The following SLC6A9 variants were observed in gnomAD, a reference collection of about 807,000 sequenced individuals.
SLC6A9 encodes the protein sodium- and chloride-dependent glycine transporter 1.
Under a neutral mutation model 70.9 loss-of-function variants are expected in SLC6A9, and 31 were observed. The observed-to-expected ratio is 0.44, with a 90% confidence interval of 0.33 to 0.59. SLC6A9 has a LOEUF of 0.59. Ranked by LOEUF, SLC6A9 falls within the 20% of genes least tolerant of loss-of-function variation. The probability of loss-of-function intolerance (pLI) is 0.04; values close to 1 mark genes in which losing one functional copy is unlikely to be tolerated. For missense variants in SLC6A9, 631 were observed against 845.2 expected (o/e 0.75, Z 3.14); for synonymous variants, 310 against 341.3 (o/e 0.91, Z 1.01).
At chr1:44,027,839 G>T (rs1409842954) in intron 1 of SLC6A9, among the ~76,000 whole-genome samples, 1 of 152,198 alleles carries the variant, frequency 6.6e-6, no homozygotes, top group African/African-American at 2.4e-5. Flanking sequence ...GCTGGGCGTG[G>T]TGGTAGGCGC....
In SLC6A9 at chr1:44,000,908, G is replaced by A. The variant is rs200693069; in HGVS notation, c.1436-41C>T. On this transcript the variant is annotated intron_variant, in intron 11 of 13. Transcript: ENST00000372310. ...GTCAGCAGACCCGCAGGACAGAGTG[G>A]GCGGGCCAAGGGCCGGGTCGCGGGA... 130 of 1,594,262 alleles carry A rather than the reference G, an allele frequency of 8.2e-5. No homozygotes were observed. In the African/African-American group the frequency reaches 1.5e-3, roughly 19 times the overall value.
rs2086091942 is a variant in SLC6A9 at position 44,001,266 on chromosome 1, A to C, written c.1233T>G (p.Ile411Met). The C allele has an allele frequency of 3.1e-6, 5 of 1,614,054 alleles. No homozygotes were observed. Residue 411 changes from isoleucine (I) to methionine (M), a missense_variant, in exon 10 of 14, where the codon ATT becomes ATG. Ile to Met is a conservative substitution (Grantham distance 10). Transcript: ENST00000372310. The stretch of plus-strand genomic sequence containing the variant: ...TCCACTCATTCCCCACCTCATCCAC[A>C]ATGGCTGTGACCAGCGTCTCCAGGA... Reference protein sequence around the residue: ...FCLLETLVTAIVDEVGNEWIL... With the variant: ...FCLLETLVTAMVDEVGNEWIL...
rs201870833 is a variant in SLC6A9 at position 44,002,313 on chromosome 1, C to T, written c.962G>A (p.Arg321Gln). The T allele has an allele frequency of 3.7e-5, 60 of 1,609,202 alleles. No homozygotes were observed. The highest frequency in any genetic ancestry group is 4.5e-5 in the Non-Finnish European group (53 of 1,175,672). ...SYNKFHNNCY[R>Q]DSVIISITNC... Reference sequence around the variant, plus strand: ...CCTCAGCCCAGCAGGGAGCACTCACCGGTAACAGTTATTGTGGAACTTGTT... The same window carrying T: ...CCTCAGCCCAGCAGGGAGCACTCACTGGTAACAGTTATTGTGGAACTTGTT... The change falls in exon 8 of 14, where the codon CGG (arginine) becomes CAG (glutamine). Residue 321 changes from arginine (R) to glutamine (Q), a missense_variant and splice_region_variant. Coordinates refer to ENST00000372310, the MANE Select transcript of SLC6A9 (RefSeq NM_001024845.3). The surrounding 1 kb of genome is among the most constrained non-coding windows in gnomAD (Gnocchi z 5.5).
chr1:44,022,707 TTTC>T (rs2086906068), intron 2 of SLC6A9, among the ~76,000 whole-genome samples: 2 of 84,758 alleles, frequency 2.4e-5, no homozygotes, highest in African/African-American at 1.3e-4. Flanking sequence ...TTTTTCTTTC[TTTC>T]TTTCTTTCTT....
At position 44,006,005 on chromosome 1, in the gene SLC6A9, C is replaced by T. The variant is rs575916820; in HGVS notation, c.590+2348G>A. On this transcript the variant is annotated intron_variant, in intron 5 of 13. Transcript: ENST00000372310. ...TGGATAAAATCTCTAGAGCTTTGCC[C>T]TGGGTGGGCCCAGGGCTGGGAATCT... Among the ~76,000 whole-genome samples, 6 of 152,354 alleles carry T rather than the reference C, an allele frequency of 3.9e-5. No individual in the cohort carries two copies. The South Asian group carries it at 1.2e-3, about 32-fold the overall frequency.
At chr1:44,000,173 GA>G (rs781319251) in intron 12 of SLC6A9, among the ~76,000 whole-genome samples, 7 of 152,228 alleles carry the variant, frequency 4.6e-5, no homozygotes, top group Non-Finnish European at 8.8e-5. Flanking sequence ...ATGGTGTGTG[GA>G]AAGTGCCTGC....
At position 44,000,809 on chromosome 1, in the gene SLC6A9, G is replaced by T. The variant is rs762176378; in HGVS notation, c.1494C>A (p.Phe498Leu). The T allele has an allele frequency of 6.2e-7, 1 of 1,612,350 alleles. No homozygotes were observed. Among genetic ancestry groups the T allele is most frequent in the Non-Finnish European group, 8.5e-7 (1 of 1,179,226 alleles). ...AGACGAAGCGCCAGCAGATCTGAAA[G>T]AAGAGGGGTGGTGGGAATCCCAGCA... The part of the protein sequence containing the change: ...QMMLGFPPPL[F>L]FQICWRFVSP... Residue 498 changes from phenylalanine (F) to leucine (L), a missense_variant, in exon 12 of 14, where the codon TTC becomes TTA. Physicochemically the swap from Phe to Leu is conservative, Grantham distance 22. Coordinates refer to ENST00000372310, the MANE Select transcript of SLC6A9 (RefSeq NM_001024845.3).
At chr1:44,001,884 C>T (rs1365814241) in intron 8 of SLC6A9, among the ~76,000 whole-genome samples, 1 of 152,188 alleles carries the variant, frequency 6.6e-6, no homozygotes, top group African/African-American at 2.4e-5. Flanking sequence ...TGTGCCACCA[C>T]ACCCAGCTAA....
intron 1 of SLC6A9, 149 bp from the exon 2 acceptor site, chr1:44,024,511 G>C (rs2086946766): frequency 1.8e-6 from 1 of 563,762 alleles, no homozygotes; most frequent in Non-Finnish European, 3.2e-6. Flanking sequence ...AAGACCCTCA[G>C]ATCCAGCTCC....
chr1:44,014,251 C>T (rs1338455619), intron 2 of SLC6A9, among the ~76,000 whole-genome samples: 1 of 152,122 alleles, frequency 6.6e-6, no homozygotes, highest in South Asian at 2.1e-4. Context: ...TAGGCAGCCC[C>T]TATGTGCCCT....
chr1:44,009,298 C>T (rs999030277), intron 4 of SLC6A9, among the ~76,000 whole-genome samples: 1 of 151,462 alleles, frequency 6.6e-6, no homozygotes, highest in African/African-American at 2.4e-5. Context: ...TGGCTCACTA[C>T]AAGCTCTGCC....
rs771995675 is a variant in SLC6A9, at chr1:43,997,976, T to C, written c.1586A>G (p.His529Arg). 2.5e-6 allele frequency: 4 copies of C among 1,614,024 alleles called. No homozygotes were observed. The highest frequency in any genetic ancestry group is 2.5e-6 in the Non-Finnish European group (3 of 1,179,972). ...VIQYQPITYN[H>R]YQYPGWAVAI... Reference sequence around the variant, plus strand: ...CACGGCCCAGCCTGGGTACTGGTAGTGGTTGTAGGTGATCGGCTGGTACTG... The same window carrying C: ...CACGGCCCAGCCTGGGTACTGGTAGCGGTTGTAGGTGATCGGCTGGTACTG... The change falls in exon 13 of 14, where the codon CAC becomes CGC. Residue 529 changes from histidine (H) to arginine (R), a missense_variant. Transcript: ENST00000372310. This position sits in a 1 kb window ranked among gnomAD's most constrained non-coding sequence, Gnocchi z 4.4.
chr1:44,023,305 T>C (rs1422347808), intron 2 of SLC6A9, among the ~76,000 whole-genome samples: 20 of 152,132 alleles, frequency 1.3e-4, no homozygotes, highest in Admixed American at 1.3e-3. Flanking sequence ...TTCTTGCTTC[T>C]GGTGCTGACC....
intron 2 of SLC6A9, among the ~76,000 whole-genome samples, chr1:44,020,740 C>T (rs2086865770): frequency 6.6e-6 from 1 of 152,222 alleles, no homozygotes; most frequent in African/African-American, 2.4e-5. Context: ...CACTATGTGC[C>T]AGGTCCTATG....
At position 44,010,255 on chromosome 1, in the gene SLC6A9, C is replaced by G. The variant is rs1229874525; in HGVS notation, c.188-159G>C. On this transcript the variant is annotated intron_variant, in intron 3 of 13. Coordinates refer to ENST00000372310, the MANE Select transcript of SLC6A9 (RefSeq NM_001024845.3). ...GAGCCTGGGCTGAGGCACACCACCCCCAGCCTGTCTTTCAACTTGACAGAG... is the reference window on the plus strand; with the variant it reads ...GAGCCTGGGCTGAGGCACACCACCCGCAGCCTGTCTTTCAACTTGACAGAG... 2.3e-5 allele frequency: 15 copies of G among 654,366 alleles called. 1 individual carries two copies. The Admixed American group carries it at 4.2e-4, about 18-fold the overall frequency. 40.5% of individuals were successfully genotyped at this position (654,366 alleles called of 1,614,324 possible).
chr1:44,002,731 C>T lies in SLC6A9; in HGVS notation c.724-85G>A. ...CCTGGCTCCCTAATCACCACCAGCC[C>T]CCTGGTCCCTCTCCGGCTCCGGAGT... is the stretch of plus-strand genomic sequence containing the variant. On this transcript the variant is annotated intron_variant, in intron 6 of 13. Coordinates refer to ENST00000372310, the MANE Select transcript of SLC6A9 (RefSeq NM_001024845.3). This position sits in a 1 kb window ranked among gnomAD's most constrained non-coding sequence, Gnocchi z 5.5. The T allele has an allele frequency of 6.3e-7, 1 of 1,594,360 alleles. No individual in the cohort carries two copies. Among genetic ancestry groups the T allele is most frequent in the Non-Finnish European group, 8.6e-7 (1 of 1,163,674 alleles).
intron 5 of SLC6A9, among the ~76,000 whole-genome samples, chr1:44,005,490 T>C (rs1347222968): frequency 6.6e-6 from 1 of 152,016 alleles, no homozygotes; most frequent in African/African-American, 2.4e-5. Flanking sequence ...CCTAACAGGG[T>C]TTTTGTGGCA....
In SLC6A9 at chr1:44,029,357, G is replaced by A. The variant is rs559360758; in HGVS notation, c.-86+1949C>T. Among the ~76,000 whole-genome samples, 17 of 152,308 alleles carry A rather than the reference G, an allele frequency of 1.1e-4. No homozygotes were observed. The South Asian group carries it at 3.5e-3, about 32-fold the overall frequency. ...GGAAGTGGAGGAGCTGTGGGAGCAG[G>A]AAACAGCCCTTAGTTCTACCTGGGA... On this transcript the variant is annotated intron_variant, in intron 1 of 13. Transcript: ENST00000372310.
intron 2 of SLC6A9, 132 bp downstream of exon 2, chr1:44,024,116 G>T: frequency 1.1e-6 from 1 of 897,896 alleles, no homozygotes; most frequent in Non-Finnish European, 1.9e-6. Context: ...ACCTGCCCAG[G>T]CCGGGGTCAG....
Sources: gnomAD v4.1 joint callset for allele counts (sites outside exome capture counted in the v4.1 genomes callset) on GRCh38, gnomAD v4.1.1 for gene constraint, Gnocchi (gnomAD v3.1) non-coding constraint, MANE v1.5 for transcripts, NCBI Gene and HGNC (gene_info 2026-07-23, HGNC 2026-07-21) for gene names.